DNAAF8: variants seen among roughly 807,000 people sequenced by gnomAD.
The protein encoded by DNAAF8 is dynein axonemal assembly factor 8, also known as dynein axonemal-associated protein 1.
In DNAAF8, 61 loss-of-function variants were observed where a neutral mutation model predicts 54.6. The observed-to-expected ratio is 1.12, with a 90% CI of 0.91 to 1.38. The LOEUF (loss-of-function observed/expected upper bound fraction) is 1.38. Ranked by LOEUF, DNAAF8 falls within the 40% of genes most tolerant of loss-of-function variation. The pLI is 0.00. For missense variants in DNAAF8, 837 were observed against 665.0 expected, an observed-to-expected ratio of 1.26 and a Z score of -2.85; for synonymous variants, 320 against 270.1, an observed-to-expected ratio of 1.18 and a Z score of -1.81.
At chr16:4,744,273 G>T (rs919578968) in intron 5 of DNAAF8, among the ~76,000 whole-genome samples, 4 of 152,158 alleles carry the variant, frequency 2.6e-5, no homozygotes, top group African/African-American at 9.7e-5. Flanking sequence ...CTTTAATCAA[G>T]CTATTGCAAT....
In DNAAF8 at chr16:4,740,196, G is replaced by A. The variant is rs1386325924; in HGVS notation, c.320G>A (p.Arg107Lys). 1.2e-6 allele frequency: 2 copies of A among 1,613,824 alleles called. No homozygotes were observed. Among genetic ancestry groups the A allele is most frequent in the African/African-American group, 1.3e-5 (1 of 74,912 alleles). The part of the protein sequence containing the change: ...PAELATEPGC[R>K]QNTRTKDASS... Reference sequence around the variant, plus strand: ...GAATTGGCCACAGAACCTGGGTGCAGACAGAACACAAGGACAAAGGATGCA... The same window carrying A: ...GAATTGGCCACAGAACCTGGGTGCAAACAGAACACAAGGACAAAGGATGCA... Residue 107 changes from arginine (R) to lysine (K), a missense_variant, in exon 4 of 10, where the codon AGA (arginine) becomes AAA (lysine). Arg to Lys is a conservative substitution (Grantham distance 26). Coordinates refer to ENST00000299320, the MANE Select transcript of DNAAF8 (RefSeq NM_139170.3).
At position 4,747,252 on chromosome 16, in the gene DNAAF8, G is replaced by A. The variant is rs1172835323; in HGVS notation, c.1281-91G>A. On this transcript the variant is annotated intron_variant, in intron 8 of 9. Coordinates refer to ENST00000299320, the MANE Select transcript of DNAAF8 (RefSeq NM_139170.3). ...GCATTCTTGCTCTGAAATGGGAGCT[G>A]GGCTCATCTGCTTTTCTCCTGTTTC... 48 of 1,429,548 alleles carry A rather than the reference G, an allele frequency of 3.4e-5. No individual in the cohort carries two copies. The East Asian group carries it at 1.1e-3, about 32-fold the overall frequency. The allele number at this position is 1,429,548 out of a possible 1,614,324, so 88.6% of individuals were successfully genotyped here.
At chr16:4,743,462 T>G (rs1185959550) in intron 5 of DNAAF8, 6 of 232,540 alleles carry the variant, frequency 2.6e-5, no homozygotes, top group South Asian at 2.0e-4. Flanking sequence ...CAGCCTGCCT[T>G]CCTTCTCCCT....
Position 4,736,542 on chromosome 16 carries a change from C to T in DNAAF8, c.28C>T (p.Pro10Ser), listed in dbSNP as rs763663132. The change falls in exon 2 of 10, where the codon CCC (proline) becomes TCC (serine). Residue 10 changes from proline to serine, a missense_variant. Coordinates refer to ENST00000299320, the MANE Select transcript of DNAAF8 (RefSeq NM_139170.3). ...GGCATCCAACGATAAAGGCATGGCA[C>T]CCTCGCTGGGCTCTCCCTGGGCCTC... The part of the protein sequence containing the change: MASNDKGMA[P>S]SLGSPWASQM... The T allele has an allele frequency of 1.7e-5, 26 of 1,570,328 alleles. No individual in the cohort carries two copies. The highest frequency in any genetic ancestry group is 2.0e-5 in the Non-Finnish European group (23 of 1,152,036).
intron 5 of DNAAF8, 149 bp downstream of exon 5, chr16:4,743,309 G>C (rs2081975784): frequency 1.7e-6 from 1 of 580,782 alleles, no homozygotes; most frequent in Non-Finnish European, 3.0e-6. Flanking sequence ...CACTCATGCT[G>C]CCAGTCCCCA....
At chr16:4,746,648 T>A (rs766259174) in intron 7 of DNAAF8, 136 bp downstream of exon 7, 1 of 1,238,472 alleles carries the variant, frequency 8.1e-7, no homozygotes. Context: ...AATTGAAAAG[T>A]GCTGGCCTAC....
Position 4,740,358 on chromosome 16 carries a change from C to G in DNAAF8, c.482C>G (p.Ser161Cys), listed in dbSNP as rs1436541259. The G allele has an allele frequency of 1.9e-6, 3 of 1,613,818 alleles. No homozygotes were observed. The highest frequency in any genetic ancestry group is 8.5e-7 in the Non-Finnish European group (1 of 1,179,942). Residue 161 changes from serine (S) to cysteine (C), a missense_variant, in exon 4 of 10, where the codon TCC becomes TGC. Ser to Cys is a moderately radical substitution (Grantham distance 112). Coordinates refer to ENST00000299320, the MANE Select transcript of DNAAF8 (RefSeq NM_139170.3). ...LGSLSFNTKG[S>C]QGPPWDPQAE... is the part of the protein sequence containing the mutation. ...AGCCTGTCTTTCAACACCAAAGGAT[C>G]CCAGGGTCCTCCCTGGGACCCACAG...
intron 8 of DNAAF8, 106 bp from the exon 9 acceptor site, chr16:4,747,237 T>C: frequency 2.2e-6 from 3 of 1,389,900 alleles, no homozygotes; most frequent in Non-Finnish European, 2.9e-6. Flanking sequence ...GCATTCTTGC[T>C]CTGAAATGGG....
chr16:4,749,301 A>G lies in DNAAF8; in HGVS notation c.*586A>G, dbSNP rs2082056227. The G allele has an allele frequency of 1.3e-5, 2 of 154,084 alleles. No homozygotes were observed. The highest frequency in any genetic ancestry group is 2.4e-5 in the African/African-American group (1 of 41,384). The allele number at this position is 154,084 out of a possible 1,614,324, so 9.5% of individuals were successfully genotyped here. Reference sequence around the variant, plus strand: ...AGAGCAAAGGCTTTTTTTTTCTTCAACCCCATTTTCTTCCATTTCTCCCAC... The same window carrying G: ...AGAGCAAAGGCTTTTTTTTTCTTCAGCCCCATTTTCTTCCATTTCTCCCAC... On this transcript the variant is annotated 3_prime_UTR_variant, in exon 10 of 10. Transcript: ENST00000299320.
At position 4,747,484 on chromosome 16, in the gene DNAAF8, G is replaced by A. The variant is rs1364175741; in HGVS notation, c.1422G>A (p.Gly474=). 12 of 1,613,300 alleles carry A rather than the reference G, an allele frequency of 7.4e-6. No individual in the cohort carries two copies. Among genetic ancestry groups the A allele is most frequent in the Admixed American group, 5.0e-5 (3 of 60,030 alleles). Reference sequence around the variant, plus strand: ...AAGACACAGCTGGATCACGAACTGGGAGGAAGCAACACATGAAGCTCTGTG... The same window carrying A: ...AAGACACAGCTGGATCACGAACTGGAAGGAAGCAACACATGAAGCTCTGTG... The part of the protein sequence containing the change: ...APEDTAGSRT[G]RKQHMKLCAK... Residue 474 remains glycine, a synonymous_variant, in exon 9 of 10, where the codon GGG becomes GGA. Coordinates refer to ENST00000299320, the MANE Select transcript of DNAAF8 (RefSeq NM_139170.3).
At chr16:4,742,552 CAAAAAAA>C (rs576508321) in intron 4 of DNAAF8, among the ~76,000 whole-genome samples, 1 of 94,692 alleles carries the variant, frequency 1.1e-5, no homozygotes, top group Non-Finnish European at 2.1e-5. Context: ...ACTAAAAATA[CAAAAAAA>C]AAAAAAAAAA....
chr16:4,747,168 T>C, intron 8 of DNAAF8, 143 bp downstream of exon 8: 2 of 1,202,918 alleles, frequency 1.7e-6, no homozygotes, highest in Non-Finnish European at 2.3e-6. Context: ...ACAGCTTTCA[T>C]CATCCTGCCC....
At chr16:4,735,712 C>A (rs1465988128) in intron 1 of DNAAF8, among the ~76,000 whole-genome samples, 1 of 151,862 alleles carries the variant, frequency 6.6e-6, no homozygotes, top group African/African-American at 2.4e-5. Context: ...AATCCCAGCA[C>A]TTTGGGAGGC....
At chr16:4,741,249 GAAAGAAAGAAAGAAAC>G (rs1315951912) in intron 4 of DNAAF8, among the ~76,000 whole-genome samples, 1 of 52,222 alleles carries the variant, frequency 1.9e-5, no homozygotes, top group African/African-American at 7.0e-5. Context: ...AAAAAAAAAA[GAAAGAAAGAAAGAAAC>G]AAAGAAAGAA....
intron 5 of DNAAF8, among the ~76,000 whole-genome samples, chr16:4,744,221 G>A (rs975724379): frequency 2.0e-5 from 3 of 152,126 alleles, no homozygotes; most frequent in Non-Finnish European, 4.4e-5. Context: ...GTGAGCCACC[G>A]CGCTTGGCCG....
At chr16:4,739,262 C>CTTTTTTTTTTTTTTT (rs1596482355) in intron 3 of DNAAF8, among the ~76,000 whole-genome samples, 5 of 36,240 alleles carry the variant, frequency 1.4e-4, no homozygotes, top group Admixed American at 3.0e-4. Flanking sequence ...ATGATTTTTT[C>CTTTTTTTTTTTTTTT]TTGTTTTTTT....
chr16:4,743,323 G>T, intron 5 of DNAAF8, 163 bp downstream of exon 5: 1 of 561,876 alleles, frequency 1.8e-6, no homozygotes, highest in South Asian at 2.4e-5. Flanking sequence ...GTCCCCAAAA[G>T]ACTTCATTCA....
In DNAAF8 at chr16:4,749,288, T is replaced by G. The variant is rs2082056128; in HGVS notation, c.*573T>G. 1 of 154,432 alleles carries G rather than the reference T, an allele frequency of 6.5e-6. No homozygotes were observed. The allele number at this position is 154,432 out of a possible 1,614,324, so 9.6% of individuals were successfully genotyped here. ...TGCCTAGCTGTCAAGAGCAAAGGCTTTTTTTTTCTTCAACCCCATTTTCTT... is the reference window on the plus strand; with the variant it reads ...TGCCTAGCTGTCAAGAGCAAAGGCTGTTTTTTTCTTCAACCCCATTTTCTT... On this transcript the variant is annotated 3_prime_UTR_variant, in exon 10 of 10. Transcript: ENST00000299320.
At chr16:4,742,690 A>G (rs543144580) in intron 4 of DNAAF8, among the ~76,000 whole-genome samples, 1 of 152,294 alleles carries the variant, frequency 6.6e-6, no homozygotes, top group South Asian at 2.1e-4. Flanking sequence ...ACTACACTCC[A>G]GCCTGAGCGA....
Sources: gnomAD v4.1 joint callset for allele counts (sites outside exome capture counted in the v4.1 genomes callset) on GRCh38, gnomAD v4.1.1 for gene constraint, MANE v1.5 for transcripts, NCBI Gene and HGNC (gene_info 2026-07-23, HGNC 2026-07-21) for gene names.